The following GALNT13 variants were observed in gnomAD, a reference collection of about 807,000 sequenced individuals.
GALNT13 encodes the protein UDP-GalNAc:polypeptide N-acetylgalactosaminyltransferase 13.
In GALNT13, 28 loss-of-function variants were observed where a neutral mutation model predicts 64.2. That is an observed-to-expected ratio of 0.44 (90% CI 0.32 to 0.60). GALNT13 has a LOEUF of 0.60. Ranked by LOEUF, GALNT13 falls within the 20% of genes least tolerant of loss-of-function variation. The pLI is 0.05. For synonymous variants in GALNT13, 214 were observed against 224.6 expected (o/e 0.95, Z 0.42); for missense variants, 577 against 669.8 (o/e 0.86, Z 1.53).
chr2:153,721,436 G>A, the GALNT13 span, among the ~76,000 whole-genome samples: 3 of 146,452 alleles, frequency 2.0e-5, no homozygotes, highest in Non-Finnish European at 4.5e-5. Context: ...ACATCATAAT[G>A]ACAGGATCAA....
chr2:154,019,287 C>T (rs927418551), intron 3 of GALNT13, among the ~76,000 whole-genome samples: 1 of 152,036 alleles, frequency 6.6e-6, no homozygotes, highest in Non-Finnish European at 1.5e-5. Context: ...ACATTTAAAG[C>T]CATTTAATAT....
At chr2:153,274,075 G>T in the GALNT13 span, among the ~76,000 whole-genome samples, 1 of 152,090 alleles carries the variant, frequency 6.6e-6, no homozygotes, top group Non-Finnish European at 1.5e-5. Context: ...CTTGGTGGCA[G>T]GTGCCTAATC....
intron 3 of GALNT13, among the ~76,000 whole-genome samples, chr2:154,040,974 C>A (rs1314435688): frequency 7.2e-6 from 1 of 139,434 alleles, no homozygotes; most frequent in Non-Finnish European, 1.6e-5. Flanking sequence ...TGCTATGAAA[C>A]TTCAGTAGGA....
At chr2:154,291,260 T>C (rs1345383714) in intron 8 of GALNT13, among the ~76,000 whole-genome samples, 1 of 152,126 alleles carries the variant, frequency 6.6e-6, no homozygotes, top group Non-Finnish European at 1.5e-5. Context: ...TACAATACTT[T>C]AGCTAGACAC....
intron 8 of GALNT13, among the ~76,000 whole-genome samples, chr2:154,285,399 T>A (rs1404596566): frequency 6.6e-6 from 1 of 152,176 alleles, no homozygotes; most frequent in East Asian, 1.9e-4. Flanking sequence ...GATGTTTGTA[T>A]ATGGTGTGAA....
At chr2:153,742,402 G>A in the GALNT13 span, among the ~76,000 whole-genome samples, 1 of 151,966 alleles carries the variant, frequency 6.6e-6, no homozygotes, top group African/African-American at 2.4e-5. Context: ...TTTAATGAAA[G>A]CAAATTTTTC....
chr2:153,836,463 C>G, the GALNT13 span, among the ~76,000 whole-genome samples: 1 of 151,600 alleles, frequency 6.6e-6, no homozygotes, highest in Non-Finnish European at 1.5e-5. Flanking sequence ...CAGAAATTCT[C>G]TTATTTCCTC....
intron 3 of GALNT13, among the ~76,000 whole-genome samples, chr2:154,114,624 G>A (rs1010934201): frequency 1.3e-5 from 2 of 152,156 alleles, no homozygotes; most frequent in African/African-American, 4.8e-5. Context: ...CATTCAAGGG[G>A]TACTGGGTCT....
At chr2:154,300,099 C>T (rs200001707) in intron 8 of GALNT13, among the ~76,000 whole-genome samples, 47 of 117,038 alleles carry the variant, frequency 4.0e-4, no homozygotes, top group Middle Eastern at 5.7e-3. Context: ...TTCTTTCTCT[C>T]TTTTTTTTTT....
intron 9 of GALNT13, among the ~76,000 whole-genome samples, chr2:154,312,765 T>C (rs1320091213): frequency 6.6e-6 from 1 of 152,194 alleles, no homozygotes; most frequent in Non-Finnish European, 1.5e-5. Flanking sequence ...GCTTGTTTGT[T>C]TGATTTTTAG....
the GALNT13 span, among the ~76,000 whole-genome samples, chr2:153,776,587 T>G: frequency 7.9e-5 from 12 of 152,232 alleles, no homozygotes; most frequent in Non-Finnish European, 1.8e-4. Context: ...ATTTCTCACT[T>G]GCCCATGTCT....
chr2:154,069,229 G>T (rs544628975), intron 3 of GALNT13, among the ~76,000 whole-genome samples: 10 of 151,572 alleles, frequency 6.6e-5, no homozygotes, highest in Admixed American at 5.9e-4. Flanking sequence ...AAAGTTCTTC[G>T]GCTTGAAGGA....
chr2:154,178,954 A>G (rs1424643399), intron 4 of GALNT13, among the ~76,000 whole-genome samples: 1 of 152,226 alleles, frequency 6.6e-6, no homozygotes, highest in African/African-American at 2.4e-5. Flanking sequence ...CCAAAGGTGC[A>G]TTAGGATCCA....
the GALNT13 span, among the ~76,000 whole-genome samples, chr2:153,566,860 T>G: frequency 6.6e-6 from 1 of 152,264 alleles, no homozygotes; most frequent in Non-Finnish European, 1.5e-5. Context: ...GTACTTTTTA[T>G]GTTATGTGTT....
At chr2:153,241,261 G>A in the GALNT13 span, among the ~76,000 whole-genome samples, 1 of 152,128 alleles carries the variant, frequency 6.6e-6, no homozygotes, top group South Asian at 2.1e-4. Context: ...TGCCCAGAGA[G>A]CACTCACTGA....
At chr2:153,957,641 G>T (rs577412500) in intron 3 of GALNT13, among the ~76,000 whole-genome samples, 1 of 152,180 alleles carries the variant, frequency 6.6e-6, no homozygotes, top group African/African-American at 2.4e-5. Flanking sequence ...GCAAGTTGGG[G>T]GCTCTTGTCT....
At chr2:153,703,630 G>A in the GALNT13 span, among the ~76,000 whole-genome samples, 3 of 152,062 alleles carry the variant, frequency 2.0e-5, no homozygotes, top group Admixed American at 6.6e-5. Flanking sequence ...TTACCTAAAT[G>A]TAGGGTAGTT....
At chr2:153,663,970 T>C in the GALNT13 span, among the ~76,000 whole-genome samples, 2 of 152,146 alleles carry the variant, frequency 1.3e-5, no homozygotes, top group Admixed American at 1.3e-4. Context: ...GGGGTACGAA[T>C]AGAGAGTAAG....
chr2:153,500,601 T>A, the GALNT13 span, among the ~76,000 whole-genome samples: 1 of 152,228 alleles, frequency 6.6e-6, no homozygotes, highest in Non-Finnish European at 1.5e-5. Context: ...CAGTTAGAGA[T>A]CACTGGTTGG....
Sources: allele counts gnomAD v4.1 joint callset (sites outside exome capture counted in the v4.1 genomes callset), GRCh38; gene constraint gnomAD v4.1.1; transcripts MANE v1.5; gene names NCBI Gene and HGNC (gene_info 2026-07-23, HGNC 2026-07-21).